PTPRT: variants seen among roughly 807,000 people sequenced by gnomAD.
PTPRT encodes the protein protein tyrosine phosphatase receptor type T.
In PTPRT, 56 loss-of-function variants were observed where a neutral mutation model predicts 176.8. The observed-to-expected ratio is 0.32, with a 90% CI of 0.26 to 0.40. The LOEUF (loss-of-function observed/expected upper bound fraction) is 0.40, where lower values mean the gene tolerates loss of function less well. PTPRT is among the 10% of genes least tolerant of loss of function. The pLI is 1.00. For synonymous variants in PTPRT, 783 were observed against 739.0 expected (o/e 1.06, Z -0.96); for missense variants, 1,540 against 1,908.2 (o/e 0.81, Z 3.60).
At chr20:42,875,820 T>C (rs192382739) in intron 2 of PTPRT, among the ~76,000 whole-genome samples, 155 of 152,322 alleles carry the variant, frequency 1.0e-3, no homozygotes, top group Middle Eastern at 3.4e-3. Flanking sequence ...CTCCACCATA[T>C]GCTAACGATG....
intron 1 of PTPRT, among the ~76,000 whole-genome samples, chr20:43,117,009 G>T (rs977361820): frequency 1.3e-5 from 2 of 152,168 alleles, no homozygotes; most frequent in African/African-American, 2.4e-5. Flanking sequence ...GCTTCAGGTT[G>T]GGTCCAGATC....
intron 11 of PTPRT, among the ~76,000 whole-genome samples, chr20:42,342,179 T>A (rs1236944243): frequency 6.6e-6 from 1 of 152,358 alleles, no homozygotes; most frequent in Non-Finnish European, 1.5e-5. Context: ...GGTACACACA[T>A]AACCCTTCAA....
chr20:42,404,183 G>C (rs1428064551), intron 9 of PTPRT, among the ~76,000 whole-genome samples: 1 of 152,152 alleles, frequency 6.6e-6, no homozygotes, highest in Non-Finnish European at 1.5e-5. Flanking sequence ...ATATGTTTGA[G>C]TTCTCACCAA....
chr20:42,581,258 T>C (rs970197998), intron 7 of PTPRT, among the ~76,000 whole-genome samples: 2 of 152,192 alleles, frequency 1.3e-5, no homozygotes, highest in Non-Finnish European at 2.9e-5. Context: ...GCCTACTCTT[T>C]AAAATTATTA....
chr20:42,728,701 G>A (rs753570767), intron 6 of PTPRT, among the ~76,000 whole-genome samples: 8 of 152,210 alleles, frequency 5.3e-5, no homozygotes, highest in East Asian at 1.9e-4. Flanking sequence ...GGAACTGAGC[G>A]AAGGGACAAT....
At chr20:42,636,919 T>C (rs1186688417) in intron 7 of PTPRT, among the ~76,000 whole-genome samples, 3 of 152,110 alleles carry the variant, frequency 2.0e-5, no homozygotes, top group South Asian at 2.1e-4. Context: ...GATTCTATCA[T>C]ATTCTTACAG....
intron 26 of PTPRT, 149 bp downstream of exon 26, chr20:42,101,975 A>T: frequency 1.1e-6 from 1 of 887,888 alleles, no homozygotes; most frequent in Non-Finnish European, 1.7e-6. Context: ...CAGAGCCTGC[A>T]GGGGAACAAA....
At chr20:42,648,435 T>A (rs1353377293) in intron 7 of PTPRT, among the ~76,000 whole-genome samples, 1 of 152,080 alleles carries the variant, frequency 6.6e-6, no homozygotes, top group Non-Finnish European at 1.5e-5. Flanking sequence ...AAGGAATGTG[T>A]TGAATCACTA....
At chr20:42,322,249 G>C (rs2145404618) in intron 11 of PTPRT, among the ~76,000 whole-genome samples, 1 of 150,716 alleles carries the variant, frequency 6.6e-6, no homozygotes, top group African/African-American at 2.5e-5. Flanking sequence ...CACAGAATTG[G>C]AAAAAACTAC....
chr20:42,734,570 G>A (rs114186445), intron 6 of PTPRT, among the ~76,000 whole-genome samples: 43 of 152,280 alleles, frequency 2.8e-4, no homozygotes, highest in African/African-American at 1.0e-3. Flanking sequence ...ATACAAAATG[G>A]AGTAATAATA....
intron 7 of PTPRT, among the ~76,000 whole-genome samples, chr20:42,549,216 G>A (rs545752766): frequency 1.3e-5 from 2 of 152,118 alleles, no homozygotes; most frequent in South Asian, 2.1e-4. Context: ...GATAACAAAA[G>A]TGTAGACTAT....
At chr20:42,292,481 T>C (rs1600792230) in intron 12 of PTPRT, among the ~76,000 whole-genome samples, 1 of 152,146 alleles carries the variant, frequency 6.6e-6, no homozygotes, top group East Asian at 1.9e-4. Flanking sequence ...TGTCTTTTAA[T>C]CCTTATAACA....
chr20:42,058,893 C>T, the PTPRT span, among the ~76,000 whole-genome samples: 3 of 151,932 alleles, frequency 2.0e-5, no homozygotes, highest in African/African-American at 7.3e-5. Flanking sequence ...AAGGATTGAC[C>T]TACTCTTCAG....
chr20:42,214,203 GTTA>G (rs1185291600), intron 15 of PTPRT, among the ~76,000 whole-genome samples: 1 of 152,116 alleles, frequency 6.6e-6, no homozygotes, highest in Non-Finnish European at 1.5e-5. Flanking sequence ...AAGATTCCCT[GTTA>G]TGTCACGCTT....
chr20:42,657,055 C>T (rs548283129), intron 7 of PTPRT, among the ~76,000 whole-genome samples: 1 of 152,160 alleles, frequency 6.6e-6, no homozygotes, highest in South Asian at 2.1e-4. Context: ...GGAGTGGTTG[C>T]CCCCATCCTG....
chr20:42,359,126 GGGGCT>G (rs2058397362), intron 9 of PTPRT, among the ~76,000 whole-genome samples: 1 of 152,116 alleles, frequency 6.6e-6, no homozygotes, highest in Admixed American at 6.5e-5. Flanking sequence ...CAGAATGTCC[GGGGCT>G]GAGGCCCAGC....
Position 42,078,656 on chromosome 20 carries a change from C to A in PTPRT, c.*2223G>T. 5.6e-6 allele frequency: 1 copy of A among 179,576 alleles called. No individual in the cohort carries two copies. The highest frequency in any genetic ancestry group is 1.2e-5 in the Non-Finnish European group (1 of 83,688). The allele number at this position is 179,576 out of a possible 1,614,324, so 11.1% of individuals were successfully genotyped here. ...CAAAGTCTGTACTCGCGATGGGCAT[C>A]TGTCTCCTGGACCCTGGCTCATCTC... On this transcript the variant is annotated 3_prime_UTR_variant, in exon 31 of 31. Transcript: ENST00000373187.
intron 1 of PTPRT, among the ~76,000 whole-genome samples, chr20:43,121,127 G>A (rs1459688904): frequency 1.3e-5 from 2 of 152,160 alleles, no homozygotes; most frequent in African/African-American, 4.8e-5. Flanking sequence ...TGTTACCTGT[G>A]TCTGGCACTT....
At chr20:42,491,407 G>A (rs1471276650) in intron 7 of PTPRT, among the ~76,000 whole-genome samples, 1 of 152,124 alleles carries the variant, frequency 6.6e-6, no homozygotes, top group East Asian at 1.9e-4. Context: ...GTTATGAATT[G>A]TTTATTTCTG....
Sources: allele counts gnomAD v4.1 joint callset (sites outside exome capture counted in the v4.1 genomes callset), GRCh38; gene constraint gnomAD v4.1.1; transcripts MANE v1.5; gene names NCBI Gene and HGNC (gene_info 2026-07-23, HGNC 2026-07-21).